The following PRKN variants were observed in gnomAD, a reference collection of about 807,000 sequenced individuals.
The protein encoded by PRKN is parkin RBR E3 ubiquitin protein ligase.
Under a neutral mutation model 59.5 loss-of-function variants are expected in PRKN, and 56 were observed. The ratio of observed to expected loss-of-function variants is 0.94; its 90% CI spans 0.76 to 1.18. The LOEUF is 1.18. PRKN is among the 50% of genes most tolerant of loss of function. The pLI is 0.00. For synonymous variants in PRKN, 250 were observed against 222.1 expected, an observed-to-expected ratio of 1.13 and a Z score of -1.12; for missense variants, 657 against 596.4, an observed-to-expected ratio of 1.10 and a Z score of -1.06.
At chr6:162,379,929 T>C (rs1786336650) in intron 2 of PRKN, among the ~76,000 whole-genome samples, 1 of 152,138 alleles carries the variant, frequency 6.6e-6, no homozygotes, top group African/African-American at 2.4e-5. Context: ...GGTGAACCAG[T>C]CATTCCAATC....
chr6:162,283,373 A>AGT (rs1414994307), intron 2 of PRKN, among the ~76,000 whole-genome samples: 1 of 142,136 alleles, frequency 7.0e-6, no homozygotes, highest in Non-Finnish European at 1.5e-5. Context: ...TGTACGTGTG[A>AGT]GTGTGTGTGT....
intron 1 of PRKN, among the ~76,000 whole-genome samples, chr6:162,523,833 A>G (rs1215281189): frequency 2.0e-5 from 3 of 152,142 alleles, no homozygotes; most frequent in Non-Finnish European, 4.4e-5. Flanking sequence ...CCTGGGCAAC[A>G]TAGCACCACC....
At chr6:161,887,196 A>G (rs1334215001) in intron 6 of PRKN, among the ~76,000 whole-genome samples, 2 of 152,230 alleles carry the variant, frequency 1.3e-5, no homozygotes. Context: ...GTGTTGGATT[A>G]CTGTAGCACT....
At position 161,363,007 on chromosome 6, in the gene PRKN, T is replaced by C. The variant is rs763635252; in HGVS notation, c.1168-2802A>G. ...CTGTAATCCCAGCACTTTGGGAGGC[T>C]GAGGCAGGTGGATCACTTGAGGCCG... On this transcript the variant is annotated intron_variant, in intron 10 of 11. Coordinates refer to ENST00000366898, the MANE Select transcript of PRKN (RefSeq NM_004562.3). This position sits in a 1 kb window ranked among gnomAD's most constrained non-coding sequence, Gnocchi z 4.1. Among the ~76,000 whole-genome samples, 3 of 152,124 alleles carry C rather than the reference T, an allele frequency of 2.0e-5. No homozygotes were observed. Among genetic ancestry groups the C allele is most frequent in the Non-Finnish European group, 2.9e-5 (2 of 68,012 alleles).
chr6:161,451,872 CT>C lies in PRKN; in HGVS notation c.1084-64996del. 6.6e-6 allele frequency among the ~76,000 whole-genome samples: 1 copy of C among 152,238 alleles called. No homozygotes were observed. The highest frequency in any genetic ancestry group is 6.5e-5 in the Admixed American group (1 of 15,296). On this transcript the variant is annotated intron_variant, in intron 9 of 11. Transcript: ENST00000366898. The surrounding 1 kb of genome is among the most constrained non-coding windows in gnomAD (Gnocchi z 5.9). ...TAATTTTGTAGAAAAATGGTGTCAC[CT>C]TTAAACGTTGTAAACTACATTTATA...
chr6:161,563,070 T>C (rs1166734152), intron 8 of PRKN, among the ~76,000 whole-genome samples: 1 of 152,062 alleles, frequency 6.6e-6, no homozygotes, highest in Non-Finnish European at 1.5e-5. Context: ...GCACTGGATG[T>C]GTGCTTTCCT....
At chr6:162,162,638 T>C (rs1049712678) in intron 4 of PRKN, among the ~76,000 whole-genome samples, 1 of 152,178 alleles carries the variant, frequency 6.6e-6, no homozygotes, top group Non-Finnish European at 1.5e-5. Context: ...CTTTTCTAAC[T>C]CATATGCAAA....
chr6:161,437,721 G>A (rs1451582861), intron 9 of PRKN, among the ~76,000 whole-genome samples: 1 of 152,124 alleles, frequency 6.6e-6, no homozygotes, highest in Admixed American at 6.5e-5. Context: ...TTCCTGAAAG[G>A]AATATTAAAT....
rs115616857 is a variant in PRKN at position 161,726,594 on chromosome 6, T to C, written c.871+59178A>G. On this transcript the variant is annotated intron_variant, in intron 7 of 11. Transcript: ENST00000366898. ...AAATAAATTCATCATTTATGAGTAA[T>C]TGATTTGCTAAATGATCCTCTACTT... is the stretch of plus-strand genomic sequence containing the variant. Among the ~76,000 whole-genome samples, 712 of 152,326 alleles carry C rather than the reference T, an allele frequency of 4.7e-3. 6 individuals are homozygous for C. Among genetic ancestry groups the C allele is most frequent in the African/African-American group, 0.016 (684 of 41,584 alleles).
chr6:162,649,887 TA>T (rs992188015), intron 1 of PRKN, among the ~76,000 whole-genome samples: 10 of 152,168 alleles, frequency 6.6e-5, no homozygotes, highest in African/African-American at 2.4e-4. Flanking sequence ...TCTACTACTT[TA>T]TTTTTTTAAC....
chr6:161,984,960 A>T (rs1784606), intron 5 of PRKN, among the ~76,000 whole-genome samples: 68,810 of 151,828 alleles, frequency 0.45, 15,951 homozygotes, highest in Middle Eastern at 0.51. Context: ...CTCAGGGGAA[A>T]CTGGATCGGG....
chr6:161,841,276 T>C (rs1319053306), intron 6 of PRKN, among the ~76,000 whole-genome samples: 2 of 151,446 alleles, frequency 1.3e-5, no homozygotes, highest in African/African-American at 2.4e-5. Flanking sequence ...AATGACAGAG[T>C]CTCTCCTTGA....
Position 161,473,002 on chromosome 6 carries a change from T to C in PRKN, c.1083+75852A>G, listed in dbSNP as rs548626683. 2.0e-5 allele frequency among the ~76,000 whole-genome samples: 3 copies of C among 152,188 alleles called. No individual in the cohort carries two copies. Among genetic ancestry groups the C allele is most frequent in the East Asian group, 3.9e-4 (2 of 5,176 alleles). On this transcript the variant is annotated intron_variant, in intron 9 of 11. Coordinates refer to ENST00000366898, the MANE Select transcript of PRKN (RefSeq NM_004562.3). The surrounding 1 kb of genome is among the most constrained non-coding windows in gnomAD (Gnocchi z 4.1). ...ATTATCAAAAAGACATAACAAGCGG[T>C]AGCACGGGTTGGAGAAAAGGGAACC...
rs1313451068 is a variant in PRKN, at chr6:161,585,134, G to T, written c.872-15718C>A. 4.6e-5 allele frequency among the ~76,000 whole-genome samples: 7 copies of T among 152,280 alleles called. No homozygotes were observed. In the East Asian group the frequency reaches 1.4e-3, roughly 29 times the overall value. On this transcript the variant is annotated intron_variant, in intron 7 of 11. Coordinates refer to ENST00000366898, the MANE Select transcript of PRKN (RefSeq NM_004562.3). ...CGTTCCTTTTCTAGGGAGGCACTTG[G>T]GAGGAAGCCTCAGAGTGTGAGTTAA... is the stretch of plus-strand genomic sequence containing the variant.
chr6:161,617,499 C>T (rs764698561), intron 7 of PRKN, among the ~76,000 whole-genome samples: 3 of 152,172 alleles, frequency 2.0e-5, no homozygotes, highest in Non-Finnish European at 4.4e-5. Context: ...ATCTACATTT[C>T]GCTATACCTT....
rs559704722 is a variant in PRKN, at chr6:162,382,759, T to C, written c.171+60551A>G. 4.3e-4 allele frequency among the ~76,000 whole-genome samples: 66 copies of C among 152,338 alleles called. No individual in the cohort carries two copies. The East Asian group carries it at 6.8e-3, about 16-fold the overall frequency. On this transcript the variant is annotated intron_variant, in intron 2 of 11. Transcript: ENST00000366898. Reference sequence around the variant, plus strand: ...ATTTCTCCATAGCATATGATGCTGATAGCATTTTACCCAGAGTAGAATGTA... The same window carrying C: ...ATTTCTCCATAGCATATGATGCTGACAGCATTTTACCCAGAGTAGAATGTA...
At position 161,719,529 on chromosome 6, in the gene PRKN, T is replaced by C. The variant is rs74728419; in HGVS notation, c.871+66243A>G. On this transcript the variant is annotated intron_variant, in intron 7 of 11. Coordinates refer to ENST00000366898, the MANE Select transcript of PRKN (RefSeq NM_004562.3). Reference sequence around the variant, plus strand: ...TGACTAGGGCTATCATGTGTGATTATGGACATCATGATATAATTTAAGTCA... The same window carrying C: ...TGACTAGGGCTATCATGTGTGATTACGGACATCATGATATAATTTAAGTCA... 2.2e-3 allele frequency among the ~76,000 whole-genome samples: 330 copies of C among 152,336 alleles called. 4 individuals are homozygous for C. Among genetic ancestry groups the C allele is most frequent in the African/African-American group, 7.7e-3 (320 of 41,578 alleles).
chr6:162,622,892 C>T (rs9364668), intron 1 of PRKN, among the ~76,000 whole-genome samples: 12,080 of 152,122 alleles, frequency 0.079, 658 homozygotes, highest in East Asian at 0.3. Flanking sequence ...CTTTTTTACA[C>T]GTGAAATGCT....
chr6:162,519,775 C>G (rs781211476), intron 1 of PRKN, among the ~76,000 whole-genome samples: 3 of 152,032 alleles, frequency 2.0e-5, no homozygotes, highest in Non-Finnish European at 4.4e-5. Flanking sequence ...AAACTGTCTT[C>G]CTTGGGTAAG....
Sources: gnomAD v4.1 joint callset for allele counts (sites outside exome capture counted in the v4.1 genomes callset) on GRCh38, gnomAD v4.1.1 for gene constraint, Gnocchi (gnomAD v3.1) non-coding constraint, MANE v1.5 for transcripts, NCBI Gene and HGNC (gene_info 2026-07-23, HGNC 2026-07-21) for gene names.